PIBF1: variants seen among roughly 807,000 people sequenced by gnomAD.
PIBF1 encodes the protein progesterone-induced-blocking factor 1.
In PIBF1, 90 loss-of-function variants were observed where a neutral mutation model predicts 112.5. The observed-to-expected ratio is 0.80, with a 90% CI of 0.67 to 0.95. The LOEUF (loss-of-function observed/expected upper bound fraction) is 0.95, where lower values mean the gene tolerates loss of function less well. PIBF1 is among the 40% of genes least tolerant of loss of function. The pLI, the probability that PIBF1 is intolerant of heterozygous loss-of-function variation, is 0.00. For synonymous variants in PIBF1, 301 were observed against 288.6 expected, an observed-to-expected ratio of 1.04 and a Z score of -0.44; for missense variants, 915 against 852.3, an observed-to-expected ratio of 1.07 and a Z score of -0.92.
intron 10 of PIBF1, among the ~76,000 whole-genome samples, chr13:72,882,222 G>C (rs1362382896): frequency 1.3e-5 from 2 of 152,134 alleles, no homozygotes; most frequent in African/African-American, 4.8e-5. Flanking sequence ...ATTATACTGG[G>C]AAACTGCATG....
At chr13:72,878,269 T>C (rs555265705) in intron 10 of PIBF1, among the ~76,000 whole-genome samples, 4 of 152,280 alleles carry the variant, frequency 2.6e-5, no homozygotes, top group Non-Finnish European at 5.9e-5. Flanking sequence ...TTTTAGATCT[T>C]TCTTCTTTTC....
In PIBF1 at chr13:72,896,612, A is replaced by C. The variant is rs138390234; in HGVS notation, c.1488+2663A>C. Among the ~76,000 whole-genome samples, 15 of 152,304 alleles carry C rather than the reference A, an allele frequency of 9.8e-5. No homozygotes were observed. The East Asian group carries it at 2.7e-3, about 27-fold the overall frequency. On this transcript the variant is annotated intron_variant, in intron 11 of 17. Transcript: ENST00000326291. ...ATAGCTAAAAGAAAAAAAATCAAAA[A>C]TTCAGTGAACTTTGGACATGCTTTT...
chr13:72,805,602 A>G (rs916843339), intron 5 of PIBF1, among the ~76,000 whole-genome samples: 5 of 152,230 alleles, frequency 3.3e-5, no homozygotes, highest in Non-Finnish European at 5.9e-5. Flanking sequence ...TAATGACTTT[A>G]TGTAATTTTA....
intron 11 of PIBF1, chr13:72,901,021 TCAAAA>T (rs1292584843): frequency 2.4e-6 from 1 of 425,018 alleles, no homozygotes; most frequent in South Asian, 1.7e-5. Flanking sequence ...AAACTCCGTC[TCAAAA>T]CAAAAAGCAA....
chr13:72,991,520 T>A (rs538161577), intron 16 of PIBF1, among the ~76,000 whole-genome samples: 1 of 152,300 alleles, frequency 6.6e-6, no homozygotes, highest in East Asian at 1.9e-4. Flanking sequence ...AATTACAACA[T>A]GTACTGTTAA....
intron 5 of PIBF1, among the ~76,000 whole-genome samples, chr13:72,819,929 G>T (rs1292749770): frequency 6.6e-6 from 1 of 151,722 alleles, no homozygotes; most frequent in East Asian, 1.9e-4. Flanking sequence ...ACTCCTTTGG[G>T]TTTTTTGGGA....
At chr13:72,916,664 AGTT>A (rs1395991282) in intron 12 of PIBF1, among the ~76,000 whole-genome samples, 1 of 152,132 alleles carries the variant, frequency 6.6e-6, no homozygotes. Context: ...ATTAAAATAA[AGTT>A]GTTCTGATAA....
At chr13:72,801,069 G>A (rs1360991799) in intron 5 of PIBF1, among the ~76,000 whole-genome samples, 1 of 152,122 alleles carries the variant, frequency 6.6e-6, no homozygotes, top group Admixed American at 6.5e-5. Flanking sequence ...CAGTGAGGAG[G>A]GCAATATGAC....
At chr13:72,810,005 A>T (rs1201530038) in intron 5 of PIBF1, among the ~76,000 whole-genome samples, 1 of 152,230 alleles carries the variant, frequency 6.6e-6, no homozygotes, top group Non-Finnish European at 1.5e-5. Context: ...TGCAAATAAC[A>T]TCTAGATACT....
At chr13:72,869,297 T>C (rs1053320030) in intron 10 of PIBF1, among the ~76,000 whole-genome samples, 13 of 152,126 alleles carry the variant, frequency 8.5e-5, no homozygotes, top group African/African-American at 3.1e-4. Context: ...TAAAAAATGA[T>C]GAGTTCATGT....
intron 13 of PIBF1, among the ~76,000 whole-genome samples, chr13:72,927,149 A>T (rs1487058447): frequency 6.6e-6 from 1 of 151,800 alleles, no homozygotes; most frequent in Non-Finnish European, 1.5e-5. Flanking sequence ...GCTTACTGCA[A>T]CCTCTGCCTC....
At chr13:72,907,604 AT>A (rs2040745291) in intron 11 of PIBF1, among the ~76,000 whole-genome samples, 1 of 152,074 alleles carries the variant, frequency 6.6e-6, no homozygotes, top group Admixed American at 6.5e-5. Context: ...AGAATAAGTA[AT>A]TGCCTAAGAT....
chr13:72,918,706 CT>C (rs71099768), intron 13 of PIBF1, among the ~76,000 whole-genome samples: 60,031 of 132,410 alleles, frequency 0.45, 13,665 homozygotes, highest in South Asian at 0.58. Flanking sequence ...GCAACTACAT[CT>C]TTTTTTTTTT....
intron 14 of PIBF1, among the ~76,000 whole-genome samples, chr13:72,946,890 G>GCA (rs1358000555): frequency 2.0e-5 from 3 of 152,174 alleles, no homozygotes. Flanking sequence ...TCATGGGCTG[G>GCA]CAGTGTCTAC....
At chr13:72,941,190 ATGTCTT>A (rs1459683330) in intron 14 of PIBF1, among the ~76,000 whole-genome samples, 1 of 152,168 alleles carries the variant, frequency 6.6e-6, no homozygotes, top group Non-Finnish European at 1.5e-5. Flanking sequence ...ATGATGTCCA[ATGTCTT>A]TCGACCGTTG....
chr13:72,877,699 C>T (rs1443753195), intron 10 of PIBF1, among the ~76,000 whole-genome samples: 1 of 151,364 alleles, frequency 6.6e-6, no homozygotes, highest in African/African-American at 2.4e-5. Flanking sequence ...TGTTTAGTGT[C>T]CATGGGATCT....
chr13:72,859,070 CGTG>C (rs2038576431), intron 10 of PIBF1, among the ~76,000 whole-genome samples: 1 of 151,910 alleles, frequency 6.6e-6, no homozygotes, highest in Non-Finnish European at 1.5e-5. Flanking sequence ...CATTGTCAGA[CGTG>C]ATGTTTCTAA....
At chr13:72,833,132 C>T (rs918072091) in intron 8 of PIBF1, among the ~76,000 whole-genome samples, 20 of 152,076 alleles carry the variant, frequency 1.3e-4, no homozygotes, top group African/African-American at 4.6e-4. Flanking sequence ...TATTTATATT[C>T]TTCTCTACAC....
intron 3 of PIBF1, among the ~76,000 whole-genome samples, chr13:72,794,781 C>G (rs1245373093): frequency 6.6e-6 from 1 of 152,204 alleles, no homozygotes; most frequent in Non-Finnish European, 1.5e-5. Flanking sequence ...ATAAATTACC[C>G]AGTCTTGGGT....
Sources: allele counts gnomAD v4.1 joint callset (sites outside exome capture counted in the v4.1 genomes callset), GRCh38; gene constraint gnomAD v4.1.1; transcripts MANE v1.5; gene names NCBI Gene and HGNC (gene_info 2026-07-23, HGNC 2026-07-21).